The following BID variants were observed in gnomAD, a reference collection of about 807,000 sequenced individuals.
BID encodes the protein BH3-interacting domain death agonist.
BID carries 19 observed loss-of-function variants against 17.4 expected under a neutral mutation model. That is an observed-to-expected ratio of 1.09 (90% confidence interval 0.76 to 1.60). BID has a LOEUF of 1.60. Ranked by LOEUF, BID falls within the 40% of genes most tolerant of loss-of-function variation. The pLI, the probability that BID is intolerant of heterozygous loss-of-function variation, is 0.00. For missense variants in BID, 226 were observed against 256.0 expected (o/e 0.88, Z 0.80); for synonymous variants, 108 against 102.8 (o/e 1.05, Z -0.31).
chr22:17,766,318 G>C (rs888949381), intron 1 of BID, among the ~76,000 whole-genome samples: 15 of 117,998 alleles, frequency 1.3e-4, no homozygotes, highest in Middle Eastern at 6.0e-3. Context: ...GTCTCACTTT[G>C]TCGCCCAGGC....
At chr22:17,758,895 A>T (rs2061613113) in intron 1 of BID, among the ~76,000 whole-genome samples, 1 of 146,494 alleles carries the variant, frequency 6.8e-6, no homozygotes, top group Admixed American at 7.1e-5. Context: ...GGGAAATCTT[A>T]TGCTATATCT....
chr22:17,747,355 C>T (rs993034534), intron 2 of BID, among the ~76,000 whole-genome samples: 1 of 152,204 alleles, frequency 6.6e-6, no homozygotes, highest in East Asian at 1.9e-4. Context: ...GAGTCTCATT[C>T]TGTTGCCCAG....
At chr22:17,745,967 AAAAC>A (rs952743484) in intron 2 of BID, among the ~76,000 whole-genome samples, 4 of 152,010 alleles carry the variant, frequency 2.6e-5, no homozygotes, top group African/African-American at 7.3e-5. Context: ...ACTCCGTCTC[AAAAC>A]AAACAAACAA....
At chr22:17,770,390 CA>C (rs1261749669) in intron 1 of BID, among the ~76,000 whole-genome samples, 1 of 152,166 alleles carries the variant, frequency 6.6e-6, no homozygotes, top group Non-Finnish European at 1.5e-5. Flanking sequence ...CATCCACTTA[CA>C]AAGGGTTTTC....
chr22:17,759,389 A>T (rs1162248037), intron 1 of BID, among the ~76,000 whole-genome samples: 1 of 151,354 alleles, frequency 6.6e-6, no homozygotes, highest in African/African-American at 2.4e-5. Flanking sequence ...AGAAAACCCC[A>T]TCTCTACTAA....
chr22:17,739,673 T>A, intron 3 of BID, 185 bp from the exon 4 acceptor site: 1 of 776,082 alleles, frequency 1.3e-6, no homozygotes, highest in Non-Finnish European at 2.0e-6. Flanking sequence ...TGAGCTGGGT[T>A]CTGGGCAGTG....
intron 1 of BID, among the ~76,000 whole-genome samples, chr22:17,766,059 G>A (rs56057812): frequency 0.035 from 5,398 of 152,078 alleles, 296 homozygotes; most frequent in African/African-American, 0.12. Flanking sequence ...CTCCAGAGCC[G>A]GGACTACAGG....
At chr22:17,758,893 T>C (rs1158786439) in intron 1 of BID, among the ~76,000 whole-genome samples, 1 of 147,534 alleles carries the variant, frequency 6.8e-6, no homozygotes, top group Admixed American at 7.0e-5. Flanking sequence ...ATGGGAAATC[T>C]TATGCTATAT....
chr22:17,739,986 G>A (rs886399854), intron 3 of BID: 1 of 1,319,654 alleles, frequency 7.6e-7, no homozygotes, highest in Non-Finnish European at 1.1e-6. Flanking sequence ...CAAGGCCCTG[G>A]AGAATCTCCC....
chr22:17,773,608 A>T lies in BID; in HGVS notation c.-59+773T>A. On this transcript the variant is annotated intron_variant, in intron 1 of 5. Coordinates refer to ENST00000622694, the MANE Select transcript of BID (RefSeq NM_001196.4). This position sits in a 1 kb window ranked among gnomAD's most constrained non-coding sequence, Gnocchi z 4.4. ...AGAAGGCCCAGCCCCCAGCCCACTT[A>T]CAGAATCCGCACTGTGCTCCTCCAG... The T allele has an allele frequency of 6.2e-7, 1 of 1,612,460 alleles. No individual in the cohort carries two copies. The highest frequency in any genetic ancestry group is 8.5e-7 in the Non-Finnish European group (1 of 1,179,854).
At chr22:17,772,740 T>C (rs1444384773) in intron 1 of BID, among the ~76,000 whole-genome samples, 1 of 152,146 alleles carries the variant, frequency 6.6e-6, no homozygotes, top group Non-Finnish European at 1.5e-5. Context: ...CCTCAGCTCC[T>C]TCGATCAGCA....
chr22:17,773,991 A>C lies in BID; in HGVS notation c.-59+390T>G. On this transcript the variant is annotated intron_variant, in intron 1 of 5. Transcript: ENST00000622694. This position sits in a 1 kb window ranked among gnomAD's most constrained non-coding sequence, Gnocchi z 4.4. ...CGATCCGCCGGCAAGGGTGGCCTGC[A>C]CCCGGCCAGGCCCGCGGGTTTTCTC... 2.1e-6 allele frequency: 1 copy of C among 486,176 alleles called. No homozygotes were observed. The highest frequency in any genetic ancestry group is 2.3e-5 in the South Asian group (1 of 43,576). The allele number at this position is 486,176 out of a possible 1,614,324, so 30.1% of individuals were successfully genotyped here. A position where few individuals can be genotyped will look rare whatever the true frequency, so the allele number is the denominator to read the frequency against.
intron 1 of BID, among the ~76,000 whole-genome samples, chr22:17,772,666 T>G (rs1047906940): frequency 9.2e-5 from 14 of 152,080 alleles, no homozygotes; most frequent in African/African-American, 3.1e-4. Flanking sequence ...TCCTTGTCAG[T>G]CCAGGGGCCT....
intron 1 of BID, among the ~76,000 whole-genome samples, chr22:17,758,904 C>A (rs1224888729): frequency 9.6e-6 from 1 of 104,136 alleles, no homozygotes; most frequent in East Asian, 3.0e-4. Context: ...TATGCTATAT[C>A]TATTTTACCA....
intron 1 of BID, among the ~76,000 whole-genome samples, chr22:17,752,667 G>A (rs2061548192): frequency 8.5e-6 from 1 of 117,484 alleles, no homozygotes; most frequent in East Asian, 6.0e-4. Context: ...TACCCCAATG[G>A]GACATTTTTT....
In BID at chr22:17,734,182, TGC is replaced by T. The variant is rs1476937017; in HGVS notation, c.*1396_*1397del. 1 of 152,270 alleles carries T rather than the reference TGC, an allele frequency of 6.6e-6. No homozygotes were observed. Among genetic ancestry groups the T allele is most frequent in the Non-Finnish European group, 1.5e-5 (1 of 68,054 alleles). 9.4% of individuals were successfully genotyped at this position (152,270 alleles called of 1,614,324 possible). A position where few individuals can be genotyped will look rare whatever the true frequency, so the allele number is the denominator to read the frequency against. ...TATTTCCAAACAGTGGCCTCCACAC[TGC>T]GCGGCAGCACTTCTTTTTAGTATTT... On this transcript the variant is annotated 3_prime_UTR_variant, in exon 6 of 6. Coordinates refer to ENST00000622694, the MANE Select transcript of BID (RefSeq NM_001196.4).
chr22:17,759,247 A>AAAACAAAAAAAAC (rs1555906731), intron 1 of BID, among the ~76,000 whole-genome samples: 1 of 49,458 alleles, frequency 2.0e-5, no homozygotes, highest in Non-Finnish European at 3.5e-5. Context: ...AAAACAAAAC[A>AAAACAAAAAAAAC]AAAAAAAAAA....
chr22:17,773,596 C>T lies in BID; in HGVS notation c.-59+785G>A, dbSNP rs935224111. 6.2e-7 allele frequency: 1 copy of T among 1,612,518 alleles called. No individual in the cohort carries two copies. Among genetic ancestry groups the T allele is most frequent in the Middle Eastern group, 1.7e-4 (1 of 6,058 alleles). On this transcript the variant is annotated intron_variant, in intron 1 of 5. Transcript: ENST00000622694. This position sits in a 1 kb window ranked among gnomAD's most constrained non-coding sequence, Gnocchi z 4.4. Reference sequence around the variant, plus strand: ...CGGTCCAGCCGCAGAAGGCCCAGCCCCCAGCCCACTTACAGAATCCGCACT... The same window carrying T: ...CGGTCCAGCCGCAGAAGGCCCAGCCTCCAGCCCACTTACAGAATCCGCACT...
chr22:17,773,684 G>C lies in BID; in HGVS notation c.-59+697C>G. The stretch of plus-strand genomic sequence containing the variant: ...GAGCCATCATGACCCCAGCACCGCT[G>C]CACATTCGTATTTGTTGAATGAATG... On this transcript the variant is annotated intron_variant, in intron 1 of 5. Transcript: ENST00000622694. This position sits in a 1 kb window ranked among gnomAD's most constrained non-coding sequence, Gnocchi z 4.4. 1 of 1,609,906 alleles carries C rather than the reference G, an allele frequency of 6.2e-7. No homozygotes were observed. The highest frequency in any genetic ancestry group is 8.5e-7 in the Non-Finnish European group (1 of 1,179,850).
Sources: allele counts gnomAD v4.1 joint callset (sites outside exome capture counted in the v4.1 genomes callset), GRCh38; gene constraint gnomAD v4.1.1; non-coding constraint Gnocchi (gnomAD v3.1); transcripts MANE v1.5; gene names NCBI Gene and HGNC (gene_info 2026-07-23, HGNC 2026-07-21).